BAIAP2: variants seen among roughly 807,000 people sequenced by gnomAD.
The protein encoded by BAIAP2 is BAR/IMD domain containing adaptor protein 2.
In BAIAP2, 18 loss-of-function variants were observed where a neutral mutation model predicts 63.0. The observed-to-expected ratio is 0.29, with a 90% CI of 0.20 to 0.42. The LOEUF (loss-of-function observed/expected upper bound fraction) is 0.42. Ranked by LOEUF, BAIAP2 falls within the 10% of genes least tolerant of loss-of-function variation. The pLI, the probability that BAIAP2 is intolerant of heterozygous loss-of-function variation, is 1.00. For missense variants in BAIAP2, 610 were observed against 734.3 expected (o/e 0.83, Z 1.96); for synonymous variants, 386 against 307.6 (o/e 1.25, Z -2.67).
chr17:81,035,803 C>T (rs980666812), intron 1 of BAIAP2, among the ~76,000 whole-genome samples: 5 of 152,164 alleles, frequency 3.3e-5, no homozygotes, highest in African/African-American at 1.2e-4. Context: ...CCGTGGGGCT[C>T]CTCCAGGCGC....
chr17:81,110,917 C>A (rs762643609), intron 13 of BAIAP2: 6 of 1,613,890 alleles, frequency 3.7e-6, no homozygotes, highest in Non-Finnish European at 5.1e-6. Flanking sequence ...CTTGCAGCGC[C>A]GATGTGGAAG....
chr17:81,110,033 A>G lies in BAIAP2; in HGVS notation c.1535+1524A>G, dbSNP rs964585525. The G allele has an allele frequency of 7.1e-6, 7 of 985,354 alleles. No individual in the cohort carries two copies. The South Asian group carries it at 3.3e-4, about 46-fold the overall frequency. 61.0% of individuals were successfully genotyped at this position (985,354 alleles called of 1,614,324 possible). A position where few individuals can be genotyped will look rare whatever the true frequency, so the allele number is the denominator to read the frequency against. ...TCTTGGTGACTTTAGAAACAAACAC[A>G]GTGGACTCAGTGGCTACTGGTATTG... On this transcript the variant is annotated intron_variant, in intron 13 of 13. Coordinates refer to ENST00000428708, the MANE Select transcript of BAIAP2 (RefSeq NM_001144888.2).
chr17:81,066,219 G>A (rs922533453), intron 3 of BAIAP2, among the ~76,000 whole-genome samples: 1 of 152,220 alleles, frequency 6.6e-6, no homozygotes, highest in African/African-American at 2.4e-5. Flanking sequence ...CACAGGGCGT[G>A]TGTGTACCTG....
intron 7 of BAIAP2, among the ~76,000 whole-genome samples, chr17:81,102,406 C>T (rs2058619347): frequency 6.6e-6 from 1 of 152,174 alleles, no homozygotes; most frequent in African/African-American, 2.4e-5. Flanking sequence ...CTGATCTCAG[C>T]CAGGGCTCGG....
intron 1 of BAIAP2, among the ~76,000 whole-genome samples, chr17:81,050,364 G>T (rs1183188092): frequency 6.6e-6 from 1 of 152,206 alleles, no homozygotes; most frequent in East Asian, 1.9e-4. Flanking sequence ...TTCCCTGCCC[G>T]CTGTCTCCTG....
At chr17:81,071,668 C>T (rs76699661) in intron 3 of BAIAP2, among the ~76,000 whole-genome samples, 6,378 of 152,332 alleles carry the variant, frequency 0.042, 462 homozygotes, top group African/African-American at 0.14. Flanking sequence ...TAGCAGCGCC[C>T]GTCCGTCCCT....
At position 81,035,350 on chromosome 17, in the gene BAIAP2, G is replaced by T. The variant is rs549405220; in HGVS notation, c.54+42G>T. The T allele has an allele frequency of 4.0e-6, 5 of 1,255,038 alleles. No individual in the cohort carries two copies. The East Asian group carries it at 1.3e-4, about 32-fold the overall frequency. The allele number at this position is 1,255,038 out of a possible 1,614,324, so 77.7% of individuals were successfully genotyped here. A position where few individuals can be genotyped will look rare whatever the true frequency, so the allele number is the denominator to read the frequency against. ...GCCGAGCTGAGCCCGCTCCGTGTGC[G>T]CCTGGGTCGCGCGCCGCCCGCGCGC... On this transcript the variant is annotated intron_variant, in intron 1 of 13. Transcript: ENST00000428708.
chr17:81,103,837 G>T (rs1031777069), intron 8 of BAIAP2, 70 bp from the exon 9 acceptor site: 18 of 1,599,116 alleles, frequency 1.1e-5, no homozygotes, highest in Non-Finnish European at 1.5e-5. Context: ...GGGGGCGGAG[G>T]GTTCTCTTTC....
chr17:81,082,584 C>T (rs1250239405), intron 3 of BAIAP2, among the ~76,000 whole-genome samples: 1 of 152,236 alleles, frequency 6.6e-6, no homozygotes, highest in Non-Finnish European at 1.5e-5. Context: ...CTACTTTTAG[C>T]GGGACACGTG....
At position 81,104,422 on chromosome 17, in the gene BAIAP2, C is replaced by T. The variant is rs554628826; in HGVS notation, c.1067-92C>T. On this transcript the variant is annotated intron_variant, in intron 9 of 13. Coordinates refer to ENST00000428708, the MANE Select transcript of BAIAP2 (RefSeq NM_001144888.2). ...CCCACTTACCCACCTGGGGCACAGG[C>T]GGCTGTGCTCTCAGCACCTCAACCA... 284 of 1,364,006 alleles carry T rather than the reference C, an allele frequency of 2.1e-4. No individual in the cohort carries two copies. The Middle Eastern group carries it at 2.2e-3, about 10-fold the overall frequency. The allele number at this position is 1,364,006 out of a possible 1,614,324, so 84.5% of individuals were successfully genotyped here.
At chr17:81,044,761 G>A (rs764085381) in intron 1 of BAIAP2, among the ~76,000 whole-genome samples, 1 of 152,224 alleles carries the variant, frequency 6.6e-6, no homozygotes, top group Admixed American at 6.5e-5. Flanking sequence ...CAGTCAGATC[G>A]CAGCCCGCAG....
chr17:81,075,230 G>A (rs985631005), intron 3 of BAIAP2, among the ~76,000 whole-genome samples: 4 of 152,224 alleles, frequency 2.6e-5, no homozygotes, highest in Admixed American at 6.5e-5. Context: ...GTCTGCGCCT[G>A]TGCTGGGTCT....
At chr17:81,053,581 C>G in intron 1 of BAIAP2, 87 bp from the exon 2 acceptor site, 1 of 1,470,268 alleles carries the variant, frequency 6.8e-7, no homozygotes, top group South Asian at 1.1e-5. Context: ...GGTGCCTGCT[C>G]TGGGTTTTCT....
intron 6 of BAIAP2, among the ~76,000 whole-genome samples, chr17:81,095,730 C>T (rs1357859521): frequency 6.6e-6 from 1 of 152,176 alleles, no homozygotes; most frequent in African/African-American, 2.4e-5. Flanking sequence ...CCCGCCAGAG[C>T]ACCGTGCAGC....
intron 12 of BAIAP2, chr17:81,107,368 C>T (rs1045045434): frequency 6.3e-6 from 1 of 158,962 alleles, no homozygotes; most frequent in African/African-American, 2.4e-5. Context: ...GGCTGGACCC[C>T]TTCCAGTCAG....
intron 3 of BAIAP2, 134 bp downstream of exon 3, chr17:81,058,101 CAG>C (rs2049931277): frequency 1.3e-6 from 1 of 749,196 alleles, no homozygotes. Flanking sequence ...ATTTTAATGA[CAG>C]TCACCCTGGG....
chr17:81,092,116 G>A (rs1204349402), intron 6 of BAIAP2, among the ~76,000 whole-genome samples: 1 of 152,236 alleles, frequency 6.6e-6, no homozygotes, highest in Non-Finnish European at 1.5e-5. Context: ...CCAAGAGCTG[G>A]GTGTCTCGAA....
chr17:81,090,902 T>A (rs936689392), intron 6 of BAIAP2, among the ~76,000 whole-genome samples: 2 of 152,198 alleles, frequency 1.3e-5, no homozygotes, highest in Admixed American at 1.3e-4. Context: ...TCTGTGGGAC[T>A]TCTACTTTAG....
intron 3 of BAIAP2, among the ~76,000 whole-genome samples, chr17:81,074,358 A>G (rs1449782309): frequency 6.6e-6 from 1 of 150,534 alleles, no homozygotes; most frequent in African/African-American, 2.5e-5. Flanking sequence ...GCACTGGTAC[A>G]TGTGTCACTG....
Sources: gnomAD v4.1 joint callset for allele counts (sites outside exome capture counted in the v4.1 genomes callset) on GRCh38, gnomAD v4.1.1 for gene constraint, MANE v1.5 for transcripts, NCBI Gene and HGNC (gene_info 2026-07-23, HGNC 2026-07-21) for gene names.